EFNA5: variants seen among roughly 807,000 people sequenced by gnomAD.
EFNA5 encodes ephrin-A5.
Under a neutral mutation model 22.9 loss-of-function variants are expected in EFNA5, and 5 were observed. The observed-to-expected ratio is 0.22, with a 90% CI of 0.11 to 0.46. The LOEUF is 0.46. Ranked by LOEUF, EFNA5 falls within the 20% of genes least tolerant of loss-of-function variation. EFNA5 has a pLI of 0.99. For missense variants in EFNA5, 237 were observed against 293.3 expected (o/e 0.81, Z 1.40); for synonymous variants, 113 against 112.2 (o/e 1.01, Z -0.04).
At chr5:107,667,904 T>C (rs974509116) in intron 1 of EFNA5, among the ~76,000 whole-genome samples, 1 of 152,224 alleles carries the variant, frequency 6.6e-6, no homozygotes, top group African/African-American at 2.4e-5. Context: ...TTTCTTACTA[T>C]TGTTTGTGGA....
At chr5:107,617,572 A>G (rs1159381004) in intron 1 of EFNA5, among the ~76,000 whole-genome samples, 1 of 152,218 alleles carries the variant, frequency 6.6e-6, no homozygotes, top group East Asian at 1.9e-4. Context: ...GAAAGTAAGT[A>G]AAATAGGAAG....
chr5:107,422,133 A>T (rs755388357), intron 2 of EFNA5, among the ~76,000 whole-genome samples: 1 of 152,276 alleles, frequency 6.6e-6, no homozygotes, highest in Non-Finnish European at 1.5e-5. Context: ...CTCCCAGATC[A>T]GCTAGTTCTC....
chr5:107,498,955 A>AGTATGTATGTATGTAT (rs60164431), intron 1 of EFNA5, among the ~76,000 whole-genome samples: 17,566 of 148,394 alleles, frequency 0.12, 1,159 homozygotes, highest in East Asian at 0.21. Context: ...TATGTATATA[A>AGTATGTATGTATGTAT]GTATGTATGT....
Position 107,381,069 on chromosome 5 carries a change from G to T in EFNA5, c.*186C>A. On this transcript the variant is annotated 3_prime_UTR_variant, in exon 5 of 5. Transcript: ENST00000333274. ...GGTGGGGCGGGGTGGGGTGAGGGAG[G>T]CAGGAACAAGTTTAGGCCCCCAACC... 1.3e-6 allele frequency: 1 copy of T among 791,974 alleles called. No homozygotes were observed. The highest frequency in any genetic ancestry group is 1.9e-6 in the Non-Finnish European group (1 of 534,128). The allele number at this position is 791,974 out of a possible 1,614,324, so 49.1% of individuals were successfully genotyped here.
intron 2 of EFNA5, among the ~76,000 whole-genome samples, chr5:107,399,712 A>C (rs564651534): frequency 6.6e-6 from 1 of 152,350 alleles, no homozygotes; most frequent in Admixed American, 6.5e-5. Context: ...ACATGAGAAC[A>C]TAACCCCCCA....
At chr5:107,514,877 G>C (rs928260383) in intron 1 of EFNA5, among the ~76,000 whole-genome samples, 1 of 152,142 alleles carries the variant, frequency 6.6e-6, no homozygotes, top group Non-Finnish European at 1.5e-5. Context: ...GATAGCAAGG[G>C]CATGGGAGTC....
intron 1 of EFNA5, among the ~76,000 whole-genome samples, chr5:107,644,020 CA>C (rs1750580563): frequency 1.3e-5 from 2 of 151,874 alleles, no homozygotes; most frequent in African/African-American, 4.8e-5. Flanking sequence ...ATGTTTTTTT[CA>C]TGGAAAAGAA....
At chr5:107,422,661 G>A (rs1264246390) in intron 2 of EFNA5, among the ~76,000 whole-genome samples, 1 of 152,188 alleles carries the variant, frequency 6.6e-6, no homozygotes, top group East Asian at 1.9e-4. Context: ...TCAGGCAGAC[G>A]GTGGTAGCAG....
chr5:107,629,737 C>A (rs1750208850), intron 1 of EFNA5, among the ~76,000 whole-genome samples: 1 of 152,198 alleles, frequency 6.6e-6, no homozygotes, highest in African/African-American at 2.4e-5. Flanking sequence ...TACAGCCCAA[C>A]ACAAATCTGT....
At position 107,380,980 on chromosome 5, in the gene EFNA5, G is replaced by T; in HGVS notation, c.*275C>A. 4.7e-6 allele frequency: 2 copies of T among 429,262 alleles called. No homozygotes were observed. Among genetic ancestry groups the T allele is most frequent in the Non-Finnish European group, 4.2e-6 (1 of 238,996 alleles). 26.6% of individuals were successfully genotyped at this position (429,262 alleles called of 1,614,324 possible). On this transcript the variant is annotated 3_prime_UTR_variant, in exon 5 of 5. Transcript: ENST00000333274. ...ACCACTGGTGTCACTATGACAATTT[G>T]GCATTTTCATCTGGAGTCCATTTAA...
intron 1 of EFNA5, among the ~76,000 whole-genome samples, chr5:107,640,597 C>T (rs987648222): frequency 6.6e-6 from 1 of 152,092 alleles, no homozygotes; most frequent in Non-Finnish European, 1.5e-5. Context: ...CTGAAAGTGA[C>T]CAGTAACAAG....
chr5:107,454,089 T>C (rs1407696264), intron 1 of EFNA5, among the ~76,000 whole-genome samples: 1 of 152,198 alleles, frequency 6.6e-6, no homozygotes, highest in Admixed American at 6.6e-5. Flanking sequence ...CTAACTAGCA[T>C]GAACGTTTTT....
At chr5:107,502,282 C>G (rs1747153068) in intron 1 of EFNA5, among the ~76,000 whole-genome samples, 1 of 152,208 alleles carries the variant, frequency 6.6e-6, no homozygotes, top group African/African-American at 2.4e-5. Flanking sequence ...CAACAGGAAA[C>G]TGCCGTCTCT....
At chr5:107,631,341 TAC>T (rs1750245966) in intron 1 of EFNA5, among the ~76,000 whole-genome samples, 1 of 151,816 alleles carries the variant, frequency 6.6e-6, no homozygotes, top group Non-Finnish European at 1.5e-5. Context: ...GGAATATTTT[TAC>T]ACATATATAT....
intron 1 of EFNA5, among the ~76,000 whole-genome samples, chr5:107,662,546 T>C (rs1259354303): frequency 1.3e-5 from 2 of 152,140 alleles, no homozygotes; most frequent in East Asian, 1.9e-4. Context: ...TGACAGAAAA[T>C]ATAGCAGTCA....
At chr5:107,382,122 T>C (rs1240160003) in intron 4 of EFNA5, among the ~76,000 whole-genome samples, 1 of 152,212 alleles carries the variant, frequency 6.6e-6, no homozygotes, top group Non-Finnish European at 1.5e-5. Context: ...TTCCTCTAAA[T>C]AAAATAGATT....
At chr5:107,517,750 G>C (rs1747513524) in intron 1 of EFNA5, among the ~76,000 whole-genome samples, 1 of 152,132 alleles carries the variant, frequency 6.6e-6, no homozygotes, top group Non-Finnish European at 1.5e-5. Context: ...AACGAAGCAG[G>C]CTACGTAAAA....
rs1290798344 is a variant in EFNA5 at position 107,378,021 on chromosome 5, T to C, written c.*3234A>G. On this transcript the variant is annotated 3_prime_UTR_variant, in exon 5 of 5. Transcript: ENST00000333274. ...CAGTGTCTCAGCCACTTGTGACTCT[T>C]TTTTTCAGCCATGGTACACATTGGA... 3.9e-5 allele frequency: 6 copies of C among 152,256 alleles called. No homozygotes were observed. In the East Asian group the frequency reaches 1.2e-3, roughly 29 times the overall value. 9.4% of individuals were successfully genotyped at this position (152,256 alleles called of 1,614,324 possible). A position where few individuals can be genotyped will look rare whatever the true frequency, so the allele number is the denominator to read the frequency against.
At chr5:107,545,236 G>A (rs987382565) in intron 1 of EFNA5, among the ~76,000 whole-genome samples, 2 of 152,266 alleles carry the variant, frequency 1.3e-5, no homozygotes, top group African/African-American at 4.8e-5. Context: ...CTTAGTGTTG[G>A]TTCAGTAATA....
Sources: allele counts gnomAD v4.1 joint callset (sites outside exome capture counted in the v4.1 genomes callset), GRCh38; gene constraint gnomAD v4.1.1; transcripts MANE v1.5; gene names NCBI Gene and HGNC (gene_info 2026-07-23, HGNC 2026-07-21).